Variants in SNURF observed in about 807,000 individuals in gnomAD.
The protein encoded by SNURF is SNURF protein.
A neutral mutation model predicts 11.6 loss-of-function variants in SNURF; 6 were observed. The ratio of observed to expected loss-of-function variants is 0.52; its 90% CI spans 0.28 to 1.02. SNURF has a LOEUF of 1.02. Ranked by LOEUF, SNURF falls within the 50% of genes least tolerant of loss-of-function variation. The pLI is 0.09. For synonymous variants in SNURF, 29 were observed against 31.6 expected (o/e 0.92, Z 0.27); for missense variants, 84 against 88.4 (o/e 0.95, Z 0.20).
At chr15:24,973,119 C>T (rs2076638960), downstream of SNURF, among the ~76,000 whole-genome samples, 1 of 152,044 alleles carries the variant, frequency 6.6e-6, no homozygotes, top group South Asian at 2.1e-4. Flanking sequence ...GAATTCTTGA[C>T]CTCAGGTGAT....
chr15:24,968,259 T>C (rs1596288990), exon 3 of SNURF: 3 of 511,590 alleles, frequency 5.9e-6, no homozygotes, highest in Admixed American at 3.3e-5. Context: ...CCTGACACTT[T>C]CGTCATGTTT....
chr15:24,964,776 C>T (rs1352244675), intron 2 of SNURF, among the ~76,000 whole-genome samples: 2 of 152,040 alleles, frequency 1.3e-5, no homozygotes, highest in Non-Finnish European at 2.9e-5. Flanking sequence ...CAGTTTTTTT[C>T]CTATGTAACC....
chr15:24,976,317 G>A lies in SNURF; in HGVS notation c.*210G>A, dbSNP rs762669644. 5.0e-6 allele frequency: 8 copies of A among 1,613,536 alleles called. No individual in the cohort carries two copies. Among genetic ancestry groups the A allele is most frequent in the South Asian group, 3.3e-5 (3 of 90,950 alleles). ...TTCTGATTTGTAGGCCAAAGAATGC[G>A]AAGCAACCAGAGCGTGAAGAAAAGC... On this transcript the variant is annotated 3_prime_UTR_variant and NMD_transcript_variant, in exon 5 of 7. Coordinates refer to the SNURF transcript ENST00000580062.
At chr15:24,972,336 T>C (rs1277741212), downstream of SNURF, among the ~76,000 whole-genome samples, 1 of 151,908 alleles carries the variant, frequency 6.6e-6, no homozygotes, top group Non-Finnish European at 1.5e-5. Context: ...TAAAGAATCA[T>C]AAGATAATAT....
intron 2 of SNURF, among the ~76,000 whole-genome samples, chr15:24,965,824 A>G (rs1005186472): frequency 6.6e-6 from 1 of 152,160 alleles, no homozygotes; most frequent in South Asian, 2.1e-4. Context: ...TCTGAGGGGG[A>G]CATTGCAATA....
At chr15:24,974,411 T>C in intron 3 of SNURF, 1 of 1,606,984 alleles carries the variant, frequency 6.2e-7, no homozygotes, top group South Asian at 1.1e-5. Flanking sequence ...TTCAGAAGCA[T>C]CAAGTTTTAA....
At chr15:24,972,459 T>TTA (rs1219391049), downstream of SNURF, among the ~76,000 whole-genome samples, 1 of 152,036 alleles carries the variant, frequency 6.6e-6, no homozygotes, top group Non-Finnish European at 1.5e-5. Flanking sequence ...TTTGAGATCT[T>TTA]TATAGGTTTT....
downstream of SNURF, among the ~76,000 whole-genome samples, chr15:24,972,613 C>A (rs565296284): frequency 3.7e-3 from 545 of 148,138 alleles, 4 homozygotes; most frequent in Non-Finnish European, 3.9e-3. Context: ...GTGCGATCTC[C>A]GCTCAAAAAG....
At chr15:24,974,185 A>G (rs1596329280) in intron 3 of SNURF, 1 of 483,134 alleles carries the variant, frequency 2.1e-6, no homozygotes, top group Non-Finnish European at 3.7e-6. Flanking sequence ...TCCCTTGGTG[A>G]GGAAGCTAGT....
At position 24,966,349 on chromosome 15, in the gene SNURF, A is replaced by T. The variant is rs565781034; in HGVS notation, c.111-1583A>T. Among the ~76,000 whole-genome samples the T allele has an allele frequency of 7.9e-5, 12 of 152,268 alleles. No individual in the cohort carries two copies. In the South Asian group the frequency reaches 2.5e-3, roughly 32 times the overall value. ...CAAAATCTGGGCAGGTCCCACACAAATCTTCCCTGTCCTCAGGATGCATTA... is the reference window on the plus strand; with the variant it reads ...CAAAATCTGGGCAGGTCCCACACAATTCTTCCCTGTCCTCAGGATGCATTA... On this transcript the variant is annotated intron_variant, in intron 2 of 2. Transcript: ENST00000577949.
chr15:24,976,915 A>G, exon 6 of SNURF: 1 of 1,608,000 alleles, frequency 6.2e-7, no homozygotes, highest in Admixed American at 1.7e-5. Context: ...GAGCTGCTGG[A>G]GGCCCTGGGG....
chr15:24,974,490 T>G, intron 3 of SNURF: 3 of 1,609,044 alleles, frequency 1.9e-6, no homozygotes, highest in Non-Finnish European at 1.7e-6. Flanking sequence ...GGTTGAAATG[T>G]GCTGTAAGGG....
chr15:24,970,836 T>A (rs905665294), downstream of SNURF, among the ~76,000 whole-genome samples: 4 of 152,212 alleles, frequency 2.6e-5, no homozygotes, highest in Admixed American at 2.6e-4. Context: ...AATAAACCTT[T>A]CCAATAAAGG....
downstream of SNURF, among the ~76,000 whole-genome samples, chr15:24,973,120 C>T (rs866402772): frequency 1.3e-5 from 2 of 152,162 alleles, no homozygotes; most frequent in South Asian, 4.2e-4. Context: ...AATTCTTGAC[C>T]TCAGGTGATC....
chr15:24,977,377 C>G (rs576294884), intron 6 of SNURF, among the ~76,000 whole-genome samples: 1 of 151,982 alleles, frequency 6.6e-6, no homozygotes, highest in African/African-American at 2.4e-5. Context: ...CAGTGGCTTA[C>G]GCCTGTAATC....
chr15:24,974,464 G>A, intron 3 of SNURF: 1 of 1,613,656 alleles, frequency 6.2e-7, no homozygotes, highest in Non-Finnish European at 8.5e-7. Flanking sequence ...ATGGTAAGCT[G>A]TATGATAAGG....
Position 24,967,950 on chromosome 15 carries a change from G to C in SNURF, c.129G>C (p.Arg43Ser), listed in dbSNP as rs148434270. The change falls in exon 3 of 3, where the codon AGG becomes AGC. Residue 43 changes from arginine to serine, a missense_variant. Transcript: ENST00000577949. ...GTTGTAGGTGTCAGTTGTACCCGAG[G>C]CGTTCTCAGCAGCAGCAAGTACCTG... The C allele has an allele frequency of 4.6e-4, 746 of 1,613,898 alleles. No individual in the cohort carries two copies. The highest frequency in any genetic ancestry group is 6.0e-4 in the Non-Finnish European group (705 of 1,180,010).
rs760439672 is a variant in SNURF at position 24,976,945 on chromosome 15, A to G, written c.*378A>G. The G allele has an allele frequency of 2.5e-6, 4 of 1,607,624 alleles. No homozygotes were observed. The African/African-American group carries it at 5.4e-5, about 22-fold the overall frequency. On this transcript the variant is annotated 3_prime_UTR_variant and NMD_transcript_variant, in exon 6 of 7. Transcript: ENST00000580062. ...CTGGGGTTGGTAGGGCAGCTGGTAG[A>G]GGAGTACCAGCTGGTGTGCCAATTC...
intron 2 of SNURF, among the ~76,000 whole-genome samples, chr15:24,965,013 T>A (rs912162909): frequency 1.3e-5 from 2 of 152,136 alleles, no homozygotes; most frequent in African/African-American, 4.8e-5. Context: ...GTATAATTTT[T>A]CCCCCTTGTG....
Sources: allele counts gnomAD v4.1 joint callset (sites outside exome capture counted in the v4.1 genomes callset), GRCh38; gene constraint gnomAD v4.1.1; transcripts MANE v1.5; gene names NCBI Gene and HGNC (gene_info 2026-07-23, HGNC 2026-07-21).